DNAH7: variants seen among roughly 807,000 people sequenced by gnomAD.
The protein encoded by DNAH7 is axonemal beta dynein heavy chain 7.
A neutral mutation model predicts 444.6 loss-of-function variants in DNAH7; 397 were observed. That is an observed-to-expected ratio of 0.89 (90% CI 0.82 to 0.97). The LOEUF is 0.97. DNAH7 is among the 50% of genes least tolerant of loss of function. DNAH7 has a pLI of 0.00. For missense variants in DNAH7, 4,902 were observed against 4,800.8 expected (o/e 1.02, Z -0.62); for synonymous variants, 1,636 against 1,624.4 (o/e 1.01, Z -0.17).
At position 195,809,161 on chromosome 2, in the gene DNAH7, T is replaced by C. The variant is rs140715284; in HGVS notation, c.9889-285A>G. Reference sequence around the variant, plus strand: ...TCTGAATATGTTCTATTCGAATACGTGTTTTCCAAAATGACTGCCTAGAGC... The same window carrying C: ...TCTGAATATGTTCTATTCGAATACGCGTTTTCCAAAATGACTGCCTAGAGC... On this transcript the variant is annotated intron_variant, in intron 52 of 64. Transcript: ENST00000312428. Among the ~76,000 whole-genome samples the C allele has an allele frequency of 8.5e-5, 13 of 152,348 alleles. No individual in the cohort carries two copies. In the East Asian group the frequency reaches 2.5e-3, roughly 29 times the overall value.
chr2:195,789,867 AAAG>A (rs1193703009), intron 57 of DNAH7, among the ~76,000 whole-genome samples: 49 of 152,286 alleles, frequency 3.2e-4, no homozygotes, highest in African/African-American at 1.1e-3. Flanking sequence ...CCAAATAGAA[AAAG>A]AAGAAGACAA....
intron 8 of DNAH7, among the ~76,000 whole-genome samples, chr2:196,020,997 G>A (rs759870804): frequency 5.9e-5 from 9 of 152,148 alleles, no homozygotes; most frequent in Non-Finnish European, 1.2e-4. Flanking sequence ...AACTATTTAA[G>A]AGATTTATTC....
At position 196,068,700 on chromosome 2, in the gene DNAH7, C is replaced by T. The variant is rs1317117785; in HGVS notation, c.12G>A (p.Glu4=). The T allele has an allele frequency of 2.6e-5, 41 of 1,551,490 alleles. No homozygotes were observed. The highest frequency in any genetic ancestry group is 3.5e-5 in the Non-Finnish European group (40 of 1,147,340). ...TGGCAAAGAGCAGCCCTCTCACCTG[C>T]TCACTGCTCATGGCTGCGAGGACGC... MSS[E]QDKSASKEKS... The change falls in exon 1 of 65, where the codon GAG becomes GAA. Residue 4 remains glutamate (E), a synonymous_variant. Coordinates refer to ENST00000312428, the MANE Select transcript of DNAH7 (RefSeq NM_018897.3).
At chr2:195,974,179 A>G (rs906423509) in intron 15 of DNAH7, among the ~76,000 whole-genome samples, 1 of 152,212 alleles carries the variant, frequency 6.6e-6, no homozygotes, top group Non-Finnish European at 1.5e-5. Flanking sequence ...GAAATTGTTC[A>G]TTGATATATT....
chr2:195,935,555 C>A (rs1165561853), intron 20 of DNAH7, among the ~76,000 whole-genome samples: 1 of 152,086 alleles, frequency 6.6e-6, no homozygotes, highest in Non-Finnish European at 1.5e-5. Context: ...GGGAAAAAAA[C>A]AGTCAAAAAA....
intron 2 of DNAH7, among the ~76,000 whole-genome samples, chr2:196,052,301 A>G (rs750161764): frequency 3.3e-5 from 5 of 152,168 alleles, no homozygotes; most frequent in Admixed American, 6.5e-5. Context: ...GCTGCTCCTT[A>G]TATCTGCTAT....
At chr2:195,872,193 T>G (rs1700751881) in intron 40 of DNAH7, 57 bp downstream of exon 40, 1 of 1,329,850 alleles carries the variant, frequency 7.5e-7, no homozygotes. Flanking sequence ...ACCCAGTTGT[T>G]GGCATGGCAA....
At chr2:195,745,540 A>T (rs1001742056) in intron 63 of DNAH7, among the ~76,000 whole-genome samples, 1 of 152,198 alleles carries the variant, frequency 6.6e-6, no homozygotes, top group Non-Finnish European at 1.5e-5. Flanking sequence ...AGCAACTCCA[A>T]GACACATAAT....
intron 58 of DNAH7, among the ~76,000 whole-genome samples, chr2:195,785,587 CTTT>C (rs56028042): frequency 3.5e-5 from 4 of 114,560 alleles, no homozygotes; most frequent in Non-Finnish European, 1.8e-5. Context: ...TTACTGAGAG[CTTT>C]TTTTTTTTTT....
At chr2:195,766,730 T>TCGA (rs1694604279) in intron 61 of DNAH7, among the ~76,000 whole-genome samples, 1 of 152,164 alleles carries the variant, frequency 6.6e-6, no homozygotes, top group Non-Finnish European at 1.5e-5. Flanking sequence ...TTTGAGGTGA[T>TCGA]CGATACCCCA....
chr2:195,765,204 C>T (rs1048150268), intron 61 of DNAH7, among the ~76,000 whole-genome samples: 2 of 152,026 alleles, frequency 1.3e-5, no homozygotes, highest in East Asian at 3.9e-4. Flanking sequence ...AACCAGACCC[C>T]CATCTTGCCA....
At position 195,882,127 on chromosome 2, in the gene DNAH7, T is replaced by A. The variant is rs187779569; in HGVS notation, c.5764-135A>T. On this transcript the variant is annotated intron_variant, in intron 35 of 64. Coordinates refer to ENST00000312428, the MANE Select transcript of DNAH7 (RefSeq NM_018897.3). ...CATTTGTTTTATCCTTTAAGACACT[T>A]TACACTCAGTTTGAAGGTTAAATTG... 3.8e-4 allele frequency: 255 copies of A among 665,144 alleles called. 2 individuals are homozygous for A. Among genetic ancestry groups the A allele is most frequent in the Admixed American group, 2.8e-3 (92 of 32,546 alleles). 41.2% of individuals were successfully genotyped at this position (665,144 alleles called of 1,614,324 possible).
In DNAH7 at chr2:195,934,774, C is replaced by A. The variant is rs1210300568; in HGVS notation, c.3288G>T (p.Leu1096Phe). 6.2e-7 allele frequency: 1 copy of A among 1,613,924 alleles called. No individual in the cohort carries two copies. The highest frequency in any genetic ancestry group is 1.3e-5 in the African/African-American group (1 of 74,930). Residue 1096 changes from leucine (L) to phenylalanine (F), a missense_variant, in exon 21 of 65, where the codon TTG becomes TTT. Leu to Phe is a conservative substitution (Grantham distance 22, BLOSUM62 0). Transcript: ENST00000312428. ...TTGCGATTCCTTCAAAACATTTCTT[C>A]AAGTGAGGTTGCACCCTGTCAGGAA... ...TKDPTRVQPH[L>F]KKCFEGIAKV...
Position 195,960,916 on chromosome 2 carries a change from T to C in DNAH7, c.2235A>G (p.Ala745=), listed in dbSNP as rs1164127522. The change falls in exon 18 of 65, where the codon GCA becomes GCG. Residue 745 remains alanine, a synonymous_variant. Coordinates refer to ENST00000312428, the MANE Select transcript of DNAH7 (RefSeq NM_018897.3). ...KIEQFNAEEE[A]FGWLPSVYPQ... ...GATATACAGATGGTAGCCAACCAAA[T>C]GCTTCCTCTTCAGCATTAAACTGCT... The C allele has an allele frequency of 6.2e-7, 1 of 1,606,058 alleles. No individual in the cohort carries two copies. Among genetic ancestry groups the C allele is most frequent in the Admixed American group, 1.7e-5 (1 of 59,494 alleles).
chr2:196,051,339 A>T (rs910542498), intron 2 of DNAH7, 90 bp from the exon 3 acceptor site: 7 of 955,802 alleles, frequency 7.3e-6, no homozygotes, highest in Admixed American at 1.7e-5. Context: ...AAGACTATTT[A>T]AAAAGTACAT....
rs376444970 is a variant in DNAH7 at position 195,972,391 on chromosome 2, C to T, written c.1909G>A (p.Ala637Thr). Residue 637 changes from alanine to threonine, a missense_variant, in exon 16 of 65, where the codon GCC becomes ACC. Ala to Thr is a moderately conservative substitution (Grantham distance 58, BLOSUM62 0). Transcript: ENST00000312428. ...QRLVDSKNCLAFLIEYVNFSP... is the reference protein window; with the variant it reads ...QRLVDSKNCLTFLIEYVNFSP... ...AAGTTGACATACTCGATGAGGAAGG[C>T]GAGGCAGTTTTTGGAATCCACTAAT... 1.1e-5 allele frequency: 18 copies of T among 1,613,896 alleles called. No homozygotes were observed. The highest frequency in any genetic ancestry group is 1.1e-4 in the East Asian group (5 of 44,876).
chr2:195,857,165 A>G (rs1240074415), intron 44 of DNAH7, among the ~76,000 whole-genome samples: 1 of 152,172 alleles, frequency 6.6e-6, no homozygotes, highest in Non-Finnish European at 1.5e-5. Flanking sequence ...TAAGAGTATA[A>G]ACAGTTCCTG....
intron 59 of DNAH7, among the ~76,000 whole-genome samples, chr2:195,777,263 C>A (rs1231612976): frequency 6.6e-6 from 1 of 152,180 alleles, no homozygotes; most frequent in African/African-American, 2.4e-5. Context: ...AGAAGGGAAT[C>A]TTGGTCTTGT....
intron 24 of DNAH7, among the ~76,000 whole-genome samples, chr2:195,911,409 A>T (rs1574743669): frequency 6.6e-6 from 1 of 152,190 alleles, no homozygotes; most frequent in East Asian, 1.9e-4. Flanking sequence ...ACAGAGACTG[A>T]ATGTAAGAAA....
Sources: gnomAD v4.1 joint callset for allele counts (sites outside exome capture counted in the v4.1 genomes callset) on GRCh38, gnomAD v4.1.1 for gene constraint, MANE v1.5 for transcripts, NCBI Gene and HGNC (gene_info 2026-07-23, HGNC 2026-07-21) for gene names.